Variants in SEC24B observed in about 807,000 individuals in gnomAD.
The protein encoded by SEC24B is protein transport protein Sec24B.
A neutral mutation model predicts 142.8 loss-of-function variants in SEC24B; 45 were observed. The observed-to-expected ratio is 0.32, with a 90% CI of 0.25 to 0.40. The LOEUF (loss-of-function observed/expected upper bound fraction) is 0.40, where lower values mean the gene tolerates loss of function less well. Ranked by LOEUF, SEC24B falls within the 10% of genes least tolerant of loss-of-function variation. The pLI is 1.00. For missense variants in SEC24B, 1,409 were observed against 1,526.8 expected (o/e 0.92, Z 1.29); for synonymous variants, 574 against 568.2 (o/e 1.01, Z -0.15).
In SEC24B at chr4:109,522,312, A is replaced by G. The variant is rs893607175; in HGVS notation, c.2508+686A>G. Among the ~76,000 whole-genome samples, 4 of 152,182 alleles carry G rather than the reference A, an allele frequency of 2.6e-5. No homozygotes were observed. In the East Asian group the frequency reaches 7.7e-4, roughly 29 times the overall value. On this transcript the variant is annotated intron_variant, in intron 14 of 23. Coordinates refer to ENST00000265175, the MANE Select transcript of SEC24B (RefSeq NM_006323.5). ...GTGATCCGCCCACTTCAGCCTCCCAAAGTGCTGGGATTACAGGCGTGAGCC... is the reference window on the plus strand; with the variant it reads ...GTGATCCGCCCACTTCAGCCTCCCAGAGTGCTGGGATTACAGGCGTGAGCC...
At chr4:109,475,239 C>T (rs1732987813) in intron 3 of SEC24B, among the ~76,000 whole-genome samples, 1 of 152,112 alleles carries the variant, frequency 6.6e-6, no homozygotes, top group Non-Finnish European at 1.5e-5. Flanking sequence ...AGAATGGCCT[C>T]TTAGTGACTT....
intron 1 of SEC24B, among the ~76,000 whole-genome samples, chr4:109,434,426 G>A (rs546883957): frequency 1.3e-5 from 2 of 152,318 alleles, no homozygotes; most frequent in South Asian, 4.1e-4. Flanking sequence ...AGCCGAGGCC[G>A]CTGAGTGCGT....
At chr4:109,501,887 A>G (rs1210134247) in intron 6 of SEC24B, among the ~76,000 whole-genome samples, 1 of 152,248 alleles carries the variant, frequency 6.6e-6, no homozygotes, top group Non-Finnish European at 1.5e-5. Context: ...AGTGAACCAA[A>G]CAGTTCCTGC....
At chr4:109,529,792 T>C (rs1724692494) in intron 18 of SEC24B, among the ~76,000 whole-genome samples, 1 of 152,174 alleles carries the variant, frequency 6.6e-6, no homozygotes, top group South Asian at 2.1e-4. Context: ...CATGCCAGAG[T>C]GCACAATCAC....
intron 4 of SEC24B, 103 bp downstream of exon 4, chr4:109,481,884 T>C (rs779104696): frequency 2.6e-6 from 2 of 782,492 alleles, no homozygotes; most frequent in Non-Finnish European, 4.1e-6. Flanking sequence ...TTTGAAGATT[T>C]AGCATGATGA....
chr4:109,524,228 A>C (rs964986874), intron 14 of SEC24B, among the ~76,000 whole-genome samples: 2 of 152,116 alleles, frequency 1.3e-5, no homozygotes, highest in African/African-American at 4.8e-5. Context: ...ATATTCCTTC[A>C]TATCCTTAAT....
chr4:109,493,038 T>C (rs1219284542), intron 5 of SEC24B, among the ~76,000 whole-genome samples: 1 of 152,182 alleles, frequency 6.6e-6, no homozygotes, highest in Non-Finnish European at 1.5e-5. Context: ...TTTTTTTATT[T>C]CTTATGCTGA....
At chr4:109,507,063 A>G (rs997110412) in intron 7 of SEC24B, among the ~76,000 whole-genome samples, 6 of 152,106 alleles carry the variant, frequency 3.9e-5, no homozygotes, top group African/African-American at 7.2e-5. Context: ...TGCACTGGCA[A>G]CCACCAAGCC....
At chr4:109,483,713 A>G (rs1231670583) in intron 4 of SEC24B, among the ~76,000 whole-genome samples, 1 of 152,190 alleles carries the variant, frequency 6.6e-6, no homozygotes, top group Admixed American at 6.5e-5. Context: ...GCGACTCGGG[A>G]TAAAAATTGG....
chr4:109,482,290 C>A (rs1733816734), intron 4 of SEC24B, among the ~76,000 whole-genome samples: 1 of 152,200 alleles, frequency 6.6e-6, no homozygotes. Flanking sequence ...TTTCCTGCTT[C>A]ATGAAATAGT....
At chr4:109,458,402 T>G (rs1417437433) in intron 1 of SEC24B, among the ~76,000 whole-genome samples, 3 of 152,176 alleles carry the variant, frequency 2.0e-5, no homozygotes, top group Non-Finnish European at 4.4e-5. Context: ...GATCTCTACC[T>G]CCCTTATTGC....
intron 2 of SEC24B, among the ~76,000 whole-genome samples, chr4:109,469,550 A>G (rs1014444510): frequency 1.3e-5 from 2 of 152,236 alleles, no homozygotes; most frequent in Non-Finnish European, 2.9e-5. Context: ...CTTTAGGTGC[A>G]TTTAGCCTAT....
intron 6 of SEC24B, among the ~76,000 whole-genome samples, chr4:109,505,272 G>C (rs1447742165): frequency 6.6e-6 from 1 of 151,972 alleles, no homozygotes; most frequent in Non-Finnish European, 1.5e-5. Context: ...CTAATACCAA[G>C]AAAAGTACTG....
intron 22 of SEC24B, among the ~76,000 whole-genome samples, chr4:109,535,551 G>A (rs112506843): frequency 0.015 from 2,144 of 147,342 alleles, 50 homozygotes; most frequent in African/African-American, 0.052. Flanking sequence ...GCAAGACTCC[G>A]TCTAAAAAAA....
intron 7 of SEC24B, among the ~76,000 whole-genome samples, chr4:109,509,499 A>G (rs1737072106): frequency 6.6e-6 from 1 of 152,040 alleles, no homozygotes; most frequent in Non-Finnish European, 1.5e-5. Flanking sequence ...AACATGGTGA[A>G]ACCCCGTCTC....
chr4:109,528,736 T>A (rs1247099239), intron 18 of SEC24B, among the ~76,000 whole-genome samples: 2 of 150,642 alleles, frequency 1.3e-5, no homozygotes, highest in Non-Finnish European at 3.0e-5. Context: ...TGAATTTGCC[T>A]TGTAGATGAA....
At chr4:109,477,140 TAAAAAAAAAAAAA>T (rs759331468) in intron 3 of SEC24B, among the ~76,000 whole-genome samples, 3 of 55,884 alleles carry the variant, frequency 5.4e-5, no homozygotes, top group East Asian at 5.7e-4. Context: ...CCGTCTCAAA[TAAAAAAAAAAAAA>T]AAAAAAAAAA....
intron 7 of SEC24B, among the ~76,000 whole-genome samples, chr4:109,507,053 T>C (rs1036008741): frequency 3.3e-5 from 5 of 152,152 alleles, no homozygotes; most frequent in African/African-American, 9.7e-5. Context: ...GCTGGCAGAC[T>C]GCACTGGCAA....
intron 1 of SEC24B, among the ~76,000 whole-genome samples, chr4:109,436,327 A>G (rs867187636): frequency 4.0e-4 from 61 of 152,336 alleles, no homozygotes; most frequent in Middle Eastern, 3.4e-3. Flanking sequence ...TGTAGTAAGC[A>G]GTCATTTGGG....
Sources: allele counts gnomAD v4.1 joint callset (sites outside exome capture counted in the v4.1 genomes callset), GRCh38; gene constraint gnomAD v4.1.1; transcripts MANE v1.5; gene names NCBI Gene and HGNC (gene_info 2026-07-23, HGNC 2026-07-21).